Variants in NCKAP5 observed in about 807,000 individuals in gnomAD.
NCKAP5 encodes nck-associated protein 5.
A neutral mutation model predicts 167.0 loss-of-function variants in NCKAP5; 92 were observed. That is an observed-to-expected ratio of 0.55 (90% CI 0.47 to 0.66). The LOEUF is 0.66. Among genes scored for constraint, NCKAP5 ranks in the 30% least tolerant of loss-of-function variants. NCKAP5 has a pLI of 0.00. For missense variants in NCKAP5, 2,378 were observed against 2,315.0 expected, an observed-to-expected ratio of 1.03 and a Z score of -0.56; for synonymous variants, 891 against 877.4, an observed-to-expected ratio of 1.02 and a Z score of -0.27.
chr2:132,944,138 A>T (rs1175853069), intron 8 of NCKAP5, among the ~76,000 whole-genome samples: 2 of 152,194 alleles, frequency 1.3e-5, no homozygotes, highest in African/African-American at 4.8e-5. Flanking sequence ...CAGGAAAAAC[A>T]GTGGTTATCT....
intron 6 of NCKAP5, among the ~76,000 whole-genome samples, chr2:133,070,708 A>C (rs1053382981): frequency 6.6e-6 from 1 of 152,064 alleles, no homozygotes; most frequent in Non-Finnish European, 1.5e-5. Context: ...ACAAATTCAC[A>C]TACATGCAGA....
At chr2:133,106,480 T>C (rs1000550074) in intron 6 of NCKAP5, among the ~76,000 whole-genome samples, 4 of 152,104 alleles carry the variant, frequency 2.6e-5, no homozygotes, top group African/African-American at 4.8e-5. Context: ...GGTGTATTTA[T>C]AAGGCATCAG....
chr2:133,624,821 C>T, the NCKAP5 span, among the ~76,000 whole-genome samples: 1 of 152,108 alleles, frequency 6.6e-6, no homozygotes, highest in Non-Finnish European at 1.5e-5. Flanking sequence ...ACATATATAT[C>T]ATATTCTTTT....
At chr2:133,123,084 T>A (rs1251285780) in intron 6 of NCKAP5, 1 of 152,254 alleles carries the variant, frequency 6.6e-6, no homozygotes, top group African/African-American at 2.4e-5. Context: ...ATACTCTGTG[T>A]TAATACTGTT....
intron 4 of NCKAP5, among the ~76,000 whole-genome samples, chr2:133,269,316 T>C (rs2089404019): frequency 6.6e-6 from 1 of 152,166 alleles, no homozygotes; most frequent in Non-Finnish European, 1.5e-5. Context: ...TAAATTATAA[T>C]GTCTATTAGA....
chr2:133,007,435 A>G (rs1374285582), intron 6 of NCKAP5, among the ~76,000 whole-genome samples: 1 of 152,080 alleles, frequency 6.6e-6, no homozygotes, highest in East Asian at 1.9e-4. Context: ...TCTCTTTTTG[A>G]GAAAGTTCAA....
At chr2:133,016,650 A>G (rs190061684) in intron 6 of NCKAP5, among the ~76,000 whole-genome samples, 4 of 152,208 alleles carry the variant, frequency 2.6e-5, no homozygotes, top group African/African-American at 7.2e-5. Flanking sequence ...CCAAGTCTGG[A>G]CATGTTCCTA....
chr2:133,157,791 T>C (rs1352055633), intron 5 of NCKAP5, among the ~76,000 whole-genome samples: 1 of 152,186 alleles, frequency 6.6e-6, no homozygotes, highest in Non-Finnish European at 1.5e-5. Flanking sequence ...AACAACATTA[T>C]TAAATGTGAT....
intron 3 of NCKAP5, among the ~76,000 whole-genome samples, chr2:133,376,758 T>C (rs558824796): frequency 5.9e-5 from 9 of 152,334 alleles, no homozygotes; most frequent in African/African-American, 2.2e-4. Flanking sequence ...CCCATCTTGA[T>C]CACACTGGGA....
intron 3 of NCKAP5, among the ~76,000 whole-genome samples, chr2:133,386,803 G>A (rs1340323230): frequency 6.6e-6 from 1 of 152,134 alleles, no homozygotes; most frequent in African/African-American, 2.4e-5. Context: ...ATTATGTAAT[G>A]GCCTTGTTTG....
chr2:133,513,605 T>C (rs1258962021), intron 3 of NCKAP5, among the ~76,000 whole-genome samples: 1 of 152,212 alleles, frequency 6.6e-6, no homozygotes, highest in Non-Finnish European at 1.5e-5. Context: ...GAAGTCTTGA[T>C]TACTATAACG....
rs1260541833 is a variant in NCKAP5 at position 133,300,323 on chromosome 2, C to A, written c.143+2714G>T. Among the ~76,000 whole-genome samples, 6 of 132,940 alleles carry A rather than the reference C, an allele frequency of 4.5e-5. 1 individual carries two copies. Among genetic ancestry groups the A allele is most frequent in the Admixed American group, 1.4e-4 (2 of 13,966 alleles). 87.2% of individuals were successfully genotyped at this position (132,940 alleles called of 152,430 possible). A position where few individuals can be genotyped will look rare whatever the true frequency, so the allele number is the denominator to read the frequency against. ...TACCAAAGCCGGGCAGAGACACAAC[C>A]AAAAAAGAGAATTTTAGACGAATAT... On this transcript the variant is annotated intron_variant, in intron 4 of 19. Transcript: ENST00000409261.
intron 3 of NCKAP5, among the ~76,000 whole-genome samples, chr2:133,471,327 T>G (rs2151282825): frequency 6.6e-6 from 1 of 152,274 alleles, no homozygotes; most frequent in South Asian, 2.1e-4. Context: ...GTATTGGATT[T>G]TATAAAACCT....
intron 6 of NCKAP5, among the ~76,000 whole-genome samples, chr2:133,049,822 C>T (rs1459143069): frequency 6.6e-6 from 1 of 152,110 alleles, no homozygotes; most frequent in Non-Finnish European, 1.5e-5. Context: ...AAATCTGAGC[C>T]AAGGAAGCCT....
chr2:133,467,744 T>C (rs1692712439), intron 3 of NCKAP5, among the ~76,000 whole-genome samples: 1 of 146,194 alleles, frequency 6.8e-6, no homozygotes, highest in Admixed American at 6.9e-5. Context: ...CTTGGGAGAG[T>C]GTATGTGTCC....
At chr2:133,220,206 T>C (rs991082094) in intron 4 of NCKAP5, among the ~76,000 whole-genome samples, 19 of 152,224 alleles carry the variant, frequency 1.2e-4, no homozygotes, top group African/African-American at 4.3e-4. Flanking sequence ...TTTTGTTTTG[T>C]TTGTGGCAAA....
At chr2:133,082,672 C>T (rs1415547902) in intron 6 of NCKAP5, among the ~76,000 whole-genome samples, 2 of 152,088 alleles carry the variant, frequency 1.3e-5, no homozygotes, top group Admixed American at 6.6e-5. Flanking sequence ...GAGGCACCTA[C>T]GTAGACAGAC....
chr2:133,496,804 G>T (rs1025410750), intron 3 of NCKAP5, among the ~76,000 whole-genome samples: 2 of 152,088 alleles, frequency 1.3e-5, no homozygotes, highest in Non-Finnish European at 2.9e-5. Flanking sequence ...CCACCTATGA[G>T]AGCCACTGAG....
At position 133,495,402 on chromosome 2, in the gene NCKAP5, C is replaced by T. The variant is rs193287595; in HGVS notation, c.69+22056G>A. On this transcript the variant is annotated intron_variant, in intron 3 of 19. Transcript: ENST00000409261. Reference sequence around the variant, plus strand: ...GGCAATCTTGATTGCATAGGAAAACCAGTTGCTTAGCACAGAAACACACTG... The same window carrying T: ...GGCAATCTTGATTGCATAGGAAAACTAGTTGCTTAGCACAGAAACACACTG... Among the ~76,000 whole-genome samples the T allele has an allele frequency of 3.3e-5, 5 of 152,242 alleles. No homozygotes were observed. The East Asian group carries it at 9.6e-4, about 29-fold the overall frequency.
Sources: gnomAD v4.1 joint callset for allele counts (sites outside exome capture counted in the v4.1 genomes callset) on GRCh38, gnomAD v4.1.1 for gene constraint, MANE v1.5 for transcripts, NCBI Gene and HGNC (gene_info 2026-07-23, HGNC 2026-07-21) for gene names.